Variants in COL5A2 observed in about 807,000 individuals in gnomAD.
COL5A2 encodes collagen alpha-2(V) chain.
COL5A2 carries 23 observed loss-of-function variants against 208.2 expected under a neutral mutation model. The observed-to-expected ratio is 0.11, with a 90% CI of 0.08 to 0.16. The LOEUF is 0.16. COL5A2 is among the 10% of genes least tolerant of loss of function. The probability of loss-of-function intolerance (pLI) is 1.00; values close to 1 mark genes in which losing one functional copy is unlikely to be tolerated. For missense variants in COL5A2, 1,590 were observed against 1,956.4 expected (o/e 0.81, Z 3.53); for synonymous variants, 625 against 628.5 (o/e 0.99, Z 0.08).
Position 189,123,183 on chromosome 2 carries a change from C to G in COL5A2, c.98-12734G>C, listed in dbSNP as rs186440420. Reference sequence around the variant, plus strand: ...TTCACCACGTTGGTCAGGCTGGTCTCAAACTGCTGACCTCAAGTGATCCAC... The same window carrying G: ...TTCACCACGTTGGTCAGGCTGGTCTGAAACTGCTGACCTCAAGTGATCCAC... On this transcript the variant is annotated intron_variant, in intron 1 of 53. Coordinates refer to ENST00000374866, the MANE Select transcript of COL5A2 (RefSeq NM_000393.5). 5.3e-5 allele frequency among the ~76,000 whole-genome samples: 8 copies of G among 152,138 alleles called. No individual in the cohort carries two copies. In the East Asian group the frequency reaches 1.6e-3, roughly 29 times the overall value.
At chr2:189,397,456 G>T in the COL5A2 span, among the ~76,000 whole-genome samples, 2 of 152,078 alleles carry the variant, frequency 1.3e-5, no homozygotes, top group Admixed American at 6.5e-5. Context: ...AACTTTTAAG[G>T]TAAGACTGAA....
At chr2:189,073,754 T>C (rs1378771493) in intron 17 of COL5A2, among the ~76,000 whole-genome samples, 1 of 152,166 alleles carries the variant, frequency 6.6e-6, no homozygotes, top group Non-Finnish European at 1.5e-5. Context: ...CATAATTTGA[T>C]GGGAAAAGCA....
At chr2:189,333,784 C>T in the COL5A2 span, among the ~76,000 whole-genome samples, 3 of 152,022 alleles carry the variant, frequency 2.0e-5, no homozygotes, top group East Asian at 3.9e-4. Context: ...AGAAACTAAT[C>T]ATGCTGACAC....
At position 189,066,760 on chromosome 2, in the gene COL5A2, A is replaced by C. The variant is rs1010599197; in HGVS notation, c.1424T>G (p.Phe475Cys). ...GQPGDPGVPG[F>C]KGEAGPKGEP... is the part of the protein sequence containing the mutation. ...CCCTTTTGGGCCAGCTTCTCCTTTGAAACCTGGAACTCCTGGATCACCCTG... is the reference window on the plus strand; with the variant it reads ...CCCTTTTGGGCCAGCTTCTCCTTTGCAACCTGGAACTCCTGGATCACCCTG... Residue 475 changes from phenylalanine (F) to cysteine (C), a missense_variant, in exon 22 of 54, where the codon TTC (phenylalanine) becomes TGC (cysteine). Coordinates refer to ENST00000374866, the MANE Select transcript of COL5A2 (RefSeq NM_000393.5). 1 of 1,613,754 alleles carries C rather than the reference A, an allele frequency of 6.2e-7. No individual in the cohort carries two copies. Among genetic ancestry groups the C allele is most frequent in the African/African-American group, 1.3e-5 (1 of 75,040 alleles).
At chr2:189,097,423 G>T (rs1686942108) in intron 5 of COL5A2, 93 bp from the exon 6 acceptor site, 2 of 1,261,010 alleles carry the variant, frequency 1.6e-6, no homozygotes, top group African/African-American at 1.5e-5. Flanking sequence ...TTGGAAAACA[G>T]AAATACCACA....
chr2:189,320,520 C>T, the COL5A2 span, among the ~76,000 whole-genome samples: 1 of 152,278 alleles, frequency 6.6e-6, no homozygotes, highest in African/African-American at 2.4e-5. Flanking sequence ...GTGACAAATG[C>T]ACAAGCTTCA....
chr2:189,287,117 ACAAATATTGGTTCTGT>A, the COL5A2 span, among the ~76,000 whole-genome samples: 1 of 152,036 alleles, frequency 6.6e-6, no homozygotes, highest in African/African-American at 2.4e-5. Flanking sequence ...AGAACACAGA[ACAAATATTGGTTCTGT>A]CACATAGTAG....
chr2:189,224,505 A>G (rs558979289), intron 1 of COL5A2, among the ~76,000 whole-genome samples: 1 of 152,194 alleles, frequency 6.6e-6, no homozygotes, highest in South Asian at 2.1e-4. Context: ...CCTGACCAAC[A>G]TGGCAAAACC....
chr2:189,288,776 G>T, the COL5A2 span, among the ~76,000 whole-genome samples: 2 of 151,998 alleles, frequency 1.3e-5, no homozygotes, highest in Admixed American at 6.6e-5. Flanking sequence ...AAAATTACAG[G>T]CCAGTATCCC....
Position 189,110,282 on chromosome 2 carries a change from G to T in COL5A2, c.265C>A (p.Pro89Thr). ...VLDCADPVTPPGECCPVCSQT... is the reference protein window; with the variant it reads ...VLDCADPVTPTGECCPVCSQT... ...GAACAGACAGGACAGCATTCCCCAGGGGGCGTTACAGGGTCGGCACAGTCC... is the reference window on the plus strand; with the variant it reads ...GAACAGACAGGACAGCATTCCCCAGTGGGCGTTACAGGGTCGGCACAGTCC... The change falls in exon 2 of 54, where the codon CCT (proline) becomes ACT (threonine). Residue 89 changes from proline (P) to threonine (T), a missense_variant. Coordinates refer to ENST00000374866, the MANE Select transcript of COL5A2 (RefSeq NM_000393.5). 6.2e-7 allele frequency: 1 copy of T among 1,614,076 alleles called. No individual in the cohort carries two copies. The highest frequency in any genetic ancestry group is 8.5e-7 in the Non-Finnish European group (1 of 1,180,016).
the COL5A2 span, among the ~76,000 whole-genome samples, chr2:189,355,598 C>T: frequency 6.6e-6 from 1 of 152,136 alleles, no homozygotes; most frequent in Non-Finnish European, 1.5e-5. Flanking sequence ...ACTAGGATTG[C>T]AACTCCTGCC....
chr2:189,137,664 A>AGC (rs1191003638), intron 1 of COL5A2, among the ~76,000 whole-genome samples: 2 of 152,088 alleles, frequency 1.3e-5, no homozygotes, highest in African/African-American at 2.4e-5. Context: ...CTAGAACCTG[A>AGC]GCTAGCTTCT....
At chr2:189,209,722 A>T in intron 1 of COL5A2, among the ~76,000 whole-genome samples, 1 of 152,240 alleles carries the variant, frequency 6.6e-6, no homozygotes, top group East Asian at 1.9e-4. Context: ...AAAATCTTAC[A>T]GACTCTTAAT....
At chr2:189,424,887 C>G in the COL5A2 span, among the ~76,000 whole-genome samples, 3 of 152,182 alleles carry the variant, frequency 2.0e-5, no homozygotes, top group African/African-American at 7.2e-5. Flanking sequence ...CTAGAGGCAT[C>G]ACAGTACCTG....
intron 1 of COL5A2, among the ~76,000 whole-genome samples, chr2:189,213,078 C>T (rs1026780238): frequency 4.0e-5 from 6 of 151,658 alleles, no homozygotes; most frequent in Non-Finnish European, 8.8e-5. Flanking sequence ...TTAGTAGAGA[C>T]GGGGTTTCAC....
At chr2:189,315,848 A>G in the COL5A2 span, among the ~76,000 whole-genome samples, 1 of 152,314 alleles carries the variant, frequency 6.6e-6, no homozygotes, top group East Asian at 1.9e-4. Context: ...AAAAAGAATA[A>G]TTGGAAAAAA....
the COL5A2 span, among the ~76,000 whole-genome samples, chr2:189,306,848 A>G: frequency 6.6e-6 from 1 of 152,208 alleles, no homozygotes; most frequent in Non-Finnish European, 1.5e-5. Flanking sequence ...ATTTCTTTGT[A>G]TTATTGGTGT....
the COL5A2 span, among the ~76,000 whole-genome samples, chr2:189,346,710 G>C: frequency 6.6e-6 from 1 of 152,162 alleles, no homozygotes; most frequent in Admixed American, 6.5e-5. Flanking sequence ...GTGTCAGAAG[G>C]TTGAATAAGT....
At chr2:189,381,652 T>C in the COL5A2 span, among the ~76,000 whole-genome samples, 1 of 152,064 alleles carries the variant, frequency 6.6e-6, no homozygotes, top group Non-Finnish European at 1.5e-5. Context: ...AGGTAGATAA[T>C]CTTGAAAATA....
Sources: allele counts gnomAD v4.1 joint callset (sites outside exome capture counted in the v4.1 genomes callset), GRCh38; gene constraint gnomAD v4.1.1; transcripts MANE v1.5; gene names NCBI Gene and HGNC (gene_info 2026-07-23, HGNC 2026-07-21).